C2CD5: variants seen among roughly 807,000 people sequenced by gnomAD.
C2CD5 encodes the protein C2 domain-containing protein 5.
C2CD5 carries 109 observed loss-of-function variants against 130.3 expected under a neutral mutation model. That is an observed-to-expected ratio of 0.84 (90% CI 0.72 to 0.98). The LOEUF (loss-of-function observed/expected upper bound fraction) is 0.98, where lower values mean the gene tolerates loss of function less well. C2CD5 is among the 50% of genes least tolerant of loss of function. C2CD5 has a pLI of 0.00. For synonymous variants in C2CD5, 454 were observed against 429.2 expected (o/e 1.06, Z -0.71); for missense variants, 996 against 1,261.8 (o/e 0.79, Z 3.19).
chr12:22,491,057 C>T (rs1328989060), intron 11 of C2CD5, among the ~76,000 whole-genome samples: 2 of 152,118 alleles, frequency 1.3e-5, no homozygotes, highest in African/African-American at 4.8e-5. Flanking sequence ...CTGATGTCTT[C>T]GAATCAAGAA....
At chr12:22,483,122 T>A (rs1338095559) in intron 13 of C2CD5, among the ~76,000 whole-genome samples, 1 of 152,158 alleles carries the variant, frequency 6.6e-6, no homozygotes, top group South Asian at 2.1e-4. Context: ...ATGTATTACA[T>A]GCCTGTATCA....
chr12:22,462,830 T>C (rs1565653148), intron 22 of C2CD5, among the ~76,000 whole-genome samples: 3 of 152,162 alleles, frequency 2.0e-5, no homozygotes, highest in Non-Finnish European at 2.9e-5. Flanking sequence ...TTCACACCTG[T>C]AATCTCAGCA....
At chr12:22,491,228 A>G (rs1946306219) in intron 11 of C2CD5, among the ~76,000 whole-genome samples, 1 of 152,190 alleles carries the variant, frequency 6.6e-6, no homozygotes, top group African/African-American at 2.4e-5. Context: ...TCAAACTTCT[A>G]GGTAAATTAA....
chr12:22,535,277 G>A lies in C2CD5; in HGVS notation c.158C>T (p.Ser53Leu), dbSNP rs370000915. The part of the protein sequence containing the change: ...YLKSLNPQWN[S>L]EWFKFEVDDE... ...ACTTACCTCAAATTTAAACCACTCCGAGTTCCACTGAGGGTTGAGTGACTT... is the reference window on the plus strand; with the variant it reads ...ACTTACCTCAAATTTAAACCACTCCAAGTTCCACTGAGGGTTGAGTGACTT... Residue 53 changes from serine (S) to leucine (L), a missense_variant, in exon 3 of 27, where the codon TCG becomes TTG. By Grantham distance (145) the Ser-to-Leu change is moderately radical (BLOSUM62 -2). Coordinates refer to ENST00000446597, the MANE Select transcript of C2CD5 (RefSeq NM_001286176.2). 6.9e-6 allele frequency: 11 copies of A among 1,603,264 alleles called. No individual in the cohort carries two copies. Among genetic ancestry groups the A allele is most frequent in the East Asian group, 2.2e-5 (1 of 44,770 alleles).
At chr12:22,477,795 G>T (rs986049776) in intron 15 of C2CD5, among the ~76,000 whole-genome samples, 2 of 152,052 alleles carry the variant, frequency 1.3e-5, no homozygotes, top group Admixed American at 1.3e-4. Flanking sequence ...TGTAAAAAAA[G>T]AAACTGTAAC....
chr12:22,507,069 G>A, intron 9 of C2CD5: 1 of 293,432 alleles, frequency 3.4e-6, no homozygotes, highest in Non-Finnish European at 6.4e-6. Context: ...GAAAAAAAAA[G>A]TGTTCCTTCA....
chr12:22,474,133 TTAATCA>T, intron 16 of C2CD5, among the ~76,000 whole-genome samples: 1 of 152,256 alleles, frequency 6.6e-6, no homozygotes, highest in East Asian at 1.9e-4. Flanking sequence ...AACTTACATC[TTAATCA>T]TTTATTTTCC....
chr12:22,540,198 T>C (rs994936111), intron 2 of C2CD5, among the ~76,000 whole-genome samples: 4 of 152,204 alleles, frequency 2.6e-5, no homozygotes, highest in African/African-American at 9.7e-5. Flanking sequence ...ATGCCAAAAC[T>C]ACACAACTGT....
At chr12:22,468,036 A>G (rs934463694) in intron 22 of C2CD5, among the ~76,000 whole-genome samples, 2 of 151,678 alleles carry the variant, frequency 1.3e-5, no homozygotes, top group Non-Finnish European at 2.9e-5. Context: ...ACAGAATAAC[A>G]ATCAATCAAA....
chr12:22,537,873 A>T (rs1211529627), intron 2 of C2CD5, among the ~76,000 whole-genome samples: 1 of 152,222 alleles, frequency 6.6e-6, no homozygotes, highest in Non-Finnish European at 1.5e-5. Flanking sequence ...ACACATTAAC[A>T]TTCAGATATA....
chr12:22,485,260 C>CA (rs1036063081), intron 12 of C2CD5, among the ~76,000 whole-genome samples: 10 of 151,176 alleles, frequency 6.6e-5, no homozygotes, highest in Admixed American at 4.6e-4. Flanking sequence ...AATATAACCA[C>CA]AAAAAAAATT....
At chr12:22,458,175 G>T (rs766238199) in intron 24 of C2CD5, among the ~76,000 whole-genome samples, 6 of 152,092 alleles carry the variant, frequency 3.9e-5, no homozygotes, top group Non-Finnish European at 7.4e-5. Flanking sequence ...GGTCCTGGAA[G>T]AATGTCTTTT....
At position 22,479,134 on chromosome 12, in the gene C2CD5, C is replaced by T. The variant is rs571679911; in HGVS notation, c.1738-657G>A. Among the ~76,000 whole-genome samples the T allele has an allele frequency of 1.3e-3, 202 of 151,554 alleles. No homozygotes were observed. In the Middle Eastern group the frequency reaches 0.017, roughly 13 times the overall value. ...TTTCACCCAGGCTGGAGTGTAGTGG[C>T]GTGATCTCGGCTCACTGCAACCTCC... On this transcript the variant is annotated intron_variant, in intron 14 of 26. Coordinates refer to ENST00000446597, the MANE Select transcript of C2CD5 (RefSeq NM_001286176.2).
At chr12:22,455,850 A>T (rs1199407170) in intron 25 of C2CD5, among the ~76,000 whole-genome samples, 4 of 151,978 alleles carry the variant, frequency 2.6e-5, no homozygotes, top group African/African-American at 7.3e-5. Context: ...ATGCCCGGCT[A>T]ATTTTTGTAT....
At chr12:22,473,856 T>C (rs142657144) in intron 16 of C2CD5, among the ~76,000 whole-genome samples, 49 of 152,298 alleles carry the variant, frequency 3.2e-4, no homozygotes, top group African/African-American at 1.1e-3. Context: ...TTTAACCTCC[T>C]TGACCTGAGA....
intron 10 of C2CD5, among the ~76,000 whole-genome samples, chr12:22,497,377 A>G (rs1269844447): frequency 6.6e-6 from 1 of 152,074 alleles, no homozygotes; most frequent in Non-Finnish European, 1.5e-5. Flanking sequence ...TATTCTATGC[A>G]TGTAACAAAA....
At position 22,472,602 on chromosome 12, in the gene C2CD5, A is replaced by G; in HGVS notation, c.2107+142T>C. On this transcript the variant is annotated intron_variant, in intron 17 of 26. Coordinates refer to ENST00000446597, the MANE Select transcript of C2CD5 (RefSeq NM_001286176.2). Reference sequence around the variant, plus strand: ...TAAGTATTTTTAAGGTATGTTTTCTACCTTGGAGTAGCAAAGTACATGACA... The same window carrying G: ...TAAGTATTTTTAAGGTATGTTTTCTGCCTTGGAGTAGCAAAGTACATGACA... The G allele has an allele frequency of 8.5e-6, 6 of 701,990 alleles. No individual in the cohort carries two copies. The South Asian group carries it at 9.8e-5, about 11-fold the overall frequency. The allele number at this position is 701,990 out of a possible 1,614,324, so 43.5% of individuals were successfully genotyped here. A position where few individuals can be genotyped will look rare whatever the true frequency, so the allele number is the denominator to read the frequency against.
At chr12:22,472,371 AAT>A (rs1194472530) in intron 17 of C2CD5, 24 bp from the exon 18 acceptor site, 7 of 1,082,990 alleles carry the variant, frequency 6.5e-6, no homozygotes, top group Non-Finnish European at 9.5e-6. Flanking sequence ...TTGTAATCAA[AAT>A]ATATGATAAT....
At position 22,523,440 on chromosome 12, in the gene C2CD5, G is replaced by C. The variant is rs768900406; in HGVS notation, c.786C>G (p.Ser262=). ...TTCATACTTACTCCTTCATTTCTTT[G>C]GATGGGGAATTACATGCAGGAAGGA... ...AAFLPACNSP[S]KEMKEIPFNE... The change falls in exon 7 of 27, where the codon TCC becomes TCG. Residue 262 remains serine (S), a synonymous_variant. Transcript: ENST00000446597. The C allele has an allele frequency of 8.1e-6, 13 of 1,612,564 alleles. No homozygotes were observed. Among genetic ancestry groups the C allele is most frequent in the Non-Finnish European group, 8.5e-7 (1 of 1,178,838 alleles).
Sources: gnomAD v4.1 joint callset for allele counts (sites outside exome capture counted in the v4.1 genomes callset) on GRCh38, gnomAD v4.1.1 for gene constraint, MANE v1.5 for transcripts, NCBI Gene and HGNC (gene_info 2026-07-23, HGNC 2026-07-21) for gene names.